The following PPP3CC variants were observed in gnomAD, a reference collection of about 807,000 sequenced individuals.
PPP3CC encodes serine/threonine-protein phosphatase 2B catalytic subunit gamma isoform.
PPP3CC carries 35 observed loss-of-function variants against 60.3 expected under a neutral mutation model. That is an observed-to-expected ratio of 0.58 (90% CI 0.44 to 0.77). The LOEUF is 0.77. Among genes scored for constraint, PPP3CC ranks in the 30% least tolerant of loss-of-function variants. PPP3CC has a pLI of 0.00. For synonymous variants in PPP3CC, 206 were observed against 224.3 expected, an observed-to-expected ratio of 0.92 and a Z score of 0.73; for missense variants, 570 against 628.9, an observed-to-expected ratio of 0.91 and a Z score of 1.00.
At position 22,534,816 on chromosome 8, in the gene PPP3CC, A is replaced by T. The variant is rs139965601; in HGVS notation, c.1321+1798A>T. On this transcript the variant is annotated intron_variant, in intron 12 of 13. Coordinates refer to ENST00000240139, the MANE Select transcript of PPP3CC (RefSeq NM_005605.5). Reference sequence around the variant, plus strand: ...ATAACACATTATGGACACATGCTACAACATGGTTGAATCTCATAGACATTA... The same window carrying T: ...ATAACACATTATGGACACATGCTACTACATGGTTGAATCTCATAGACATTA... Among the ~76,000 whole-genome samples the T allele has an allele frequency of 1.2e-3, 186 of 152,372 alleles. 1 individual carries two copies. The highest frequency in any genetic ancestry group is 4.2e-3 in the African/African-American group (176 of 41,594).
Position 22,441,318 on chromosome 8 carries a change from G to A in PPP3CC, c.-92G>A. ...CCGGGCACGGCTGGCTGACGGCTCC[G>A]GGCAGCTAAGGCTGCCCGAGGAGAA... On this transcript the variant is annotated 5_prime_UTR_variant, in exon 1 of 14. Transcript: ENST00000240139. The A allele has an allele frequency of 3.8e-6, 5 of 1,302,916 alleles. No homozygotes were observed. The highest frequency in any genetic ancestry group is 5.1e-6 in the Non-Finnish European group (5 of 982,826). The allele number at this position is 1,302,916 out of a possible 1,614,324, so 80.7% of individuals were successfully genotyped here.
intron 6 of PPP3CC, among the ~76,000 whole-genome samples, chr8:22,517,204 C>T (rs1839269944): frequency 6.6e-6 from 1 of 152,194 alleles, no homozygotes; most frequent in Admixed American, 6.5e-5. Context: ...CTTCTTTTAT[C>T]CCAGGGATAA....
intron 8 of PPP3CC, among the ~76,000 whole-genome samples, chr8:22,525,516 T>A (rs1270396951): frequency 9.8e-6 from 1 of 102,400 alleles, no homozygotes. Context: ...CTTTCTTTCT[T>A]TCTTTCTTTC....
At chr8:22,535,059 T>A (rs915984404) in intron 12 of PPP3CC, among the ~76,000 whole-genome samples, 4 of 152,212 alleles carry the variant, frequency 2.6e-5, no homozygotes, top group Admixed American at 6.5e-5. Context: ...TATGTAAGAA[T>A]GTGTTGAGCT....
At chr8:22,521,963 C>CA (rs1322172235) in intron 6 of PPP3CC, among the ~76,000 whole-genome samples, 1,794 of 93,352 alleles carry the variant, frequency 0.019, 43 homozygotes, top group African/African-American at 0.065. Flanking sequence ...GACTCCGTCT[C>CA]AAAAAAAAAA....
intron 3 of PPP3CC, 28 bp downstream of exon 3, chr8:22,475,652 C>T (rs983307843): frequency 1.3e-6 from 2 of 1,585,426 alleles, no homozygotes; most frequent in Non-Finnish European, 1.7e-6. Flanking sequence ...TATGTTGGGA[C>T]TATTATATTG....
chr8:22,441,175 A>G lies in PPP3CC; in HGVS notation c.-235A>G. On this transcript the variant is annotated 5_prime_UTR_variant, in exon 1 of 14. Transcript: ENST00000240139. ...GTGCCGAAGCGGTGTTCCCCGCCTT[A>G]GCCGCTGGCGCCTCCCAAGAGAGCG... The G allele has an allele frequency of 2.5e-6, 1 of 395,588 alleles. No individual in the cohort carries two copies. 24.5% of individuals were successfully genotyped at this position (395,588 alleles called of 1,614,324 possible). A position where few individuals can be genotyped will look rare whatever the true frequency, so the allele number is the denominator to read the frequency against.
In PPP3CC at chr8:22,492,559, G is replaced by A. The variant is rs141875746; in HGVS notation, c.373-5442G>A. ...CCTAATCTCAGCTGGTGGTCCACCCGAGACCCCCAAGCACCAACCCTAGCC... is the reference window on the plus strand; with the variant it reads ...CCTAATCTCAGCTGGTGGTCCACCCAAGACCCCCAAGCACCAACCCTAGCC... On this transcript the variant is annotated intron_variant, in intron 3 of 13. Coordinates refer to ENST00000240139, the MANE Select transcript of PPP3CC (RefSeq NM_005605.5). 356 of 386,548 alleles carry A rather than the reference G, an allele frequency of 9.2e-4. 3 individuals carry two copies. The highest frequency in any genetic ancestry group is 6.4e-3 in the African/African-American group (312 of 48,886). 23.9% of individuals were successfully genotyped at this position (386,548 alleles called of 1,614,324 possible).
At chr8:22,494,396 T>A (rs748154004) in intron 3 of PPP3CC, among the ~76,000 whole-genome samples, 1 of 152,174 alleles carries the variant, frequency 6.6e-6, no homozygotes, top group Non-Finnish European at 1.5e-5. Flanking sequence ...GCCCCCATGA[T>A]TCAGTTACTG....
chr8:22,490,985 A>G lies in PPP3CC; in HGVS notation c.373-7016A>G, dbSNP rs372684529. Among the ~76,000 whole-genome samples, 45 of 152,286 alleles carry G rather than the reference A, an allele frequency of 3.0e-4. 3 individuals carry two copies. Among genetic ancestry groups the G allele is most frequent in the Admixed American group, 1.8e-3 (27 of 15,280 alleles). ...TATATATCCAGTAATGGGATAAGATATATCCAGGTTACTACTATACGTGCC... is the reference window on the plus strand; with the variant it reads ...TATATATCCAGTAATGGGATAAGATGTATCCAGGTTACTACTATACGTGCC... On this transcript the variant is annotated intron_variant, in intron 3 of 13. Transcript: ENST00000240139.
chr8:22,487,348 G>C (rs1838254359), intron 3 of PPP3CC, among the ~76,000 whole-genome samples: 1 of 152,120 alleles, frequency 6.6e-6, no homozygotes, highest in Admixed American at 6.5e-5. Context: ...TGCTGGCTGG[G>C]CGCCCTGGCT....
chr8:22,517,441 T>G (rs1839281155), intron 6 of PPP3CC, among the ~76,000 whole-genome samples: 1 of 118,482 alleles, frequency 8.4e-6, no homozygotes, highest in South Asian at 2.8e-4. Context: ...TTGGTATTAA[T>G]TCTTTTTTTT....
At chr8:22,451,388 G>A (rs1431741153) in intron 1 of PPP3CC, among the ~76,000 whole-genome samples, 3 of 152,028 alleles carry the variant, frequency 2.0e-5, no homozygotes, top group Non-Finnish European at 4.4e-5. Context: ...TGCCCTCCTC[G>A]GCCTCCCAAA....
intron 1 of PPP3CC, among the ~76,000 whole-genome samples, chr8:22,447,013 T>G (rs995978510): frequency 6.6e-6 from 1 of 151,170 alleles, no homozygotes; most frequent in South Asian, 2.1e-4. Flanking sequence ...CCGTTTATAG[T>G]TTTTTTTGGT....
chr8:22,499,408 C>T (rs1179286305), intron 4 of PPP3CC, among the ~76,000 whole-genome samples: 4 of 147,924 alleles, frequency 2.7e-5, no homozygotes, highest in Non-Finnish European at 4.5e-5. Context: ...CACTGCAGTC[C>T]GCAGTCCGGC....
chr8:22,538,368 A>T (rs1218137863), intron 12 of PPP3CC, among the ~76,000 whole-genome samples: 1 of 152,180 alleles, frequency 6.6e-6, no homozygotes, highest in African/African-American at 2.4e-5. Flanking sequence ...ACTTAAGGAG[A>T]TTAGAGAGGG....
At position 22,532,973 on chromosome 8, in the gene PPP3CC, C is replaced by T; in HGVS notation, c.1276C>T (p.Leu426Phe). 6.2e-7 allele frequency: 1 copy of T among 1,606,228 alleles called. No homozygotes were observed. Reference sequence around the variant, plus strand: ...CAAGGGCCTGACTCCCACAGGCACACTCCCTCTGGGCGTCCTCTCAGGAGG... The same window carrying T: ...CAAGGGCCTGACTCCCACAGGCACATTCCCTCTGGGCGTCCTCTCAGGAGG... ...TLKGLTPTGT[L>F]PLGVLSGGKQ... The change falls in exon 12 of 14, where the codon CTC (leucine) becomes TTC (phenylalanine). Residue 426 changes from leucine to phenylalanine, a missense_variant. Physicochemically the swap from Leu to Phe is conservative, Grantham distance 22. Coordinates refer to ENST00000240139, the MANE Select transcript of PPP3CC (RefSeq NM_005605.5).
At chr8:22,473,402 A>C (rs1837789317) in intron 1 of PPP3CC, among the ~76,000 whole-genome samples, 1 of 152,170 alleles carries the variant, frequency 6.6e-6, no homozygotes, top group South Asian at 2.1e-4. Flanking sequence ...CTTTGTACCT[A>C]ATGTAAACTG....
At chr8:22,453,473 A>T (rs902815354) in intron 1 of PPP3CC, among the ~76,000 whole-genome samples, 1 of 152,180 alleles carries the variant, frequency 6.6e-6, no homozygotes, top group African/African-American at 2.4e-5. Context: ...GGACCCCCAC[A>T]TATACCAAAA....
Sources: allele counts gnomAD v4.1 joint callset (sites outside exome capture counted in the v4.1 genomes callset), GRCh38; gene constraint gnomAD v4.1.1; transcripts MANE v1.5; gene names NCBI Gene and HGNC (gene_info 2026-07-23, HGNC 2026-07-21).